Variants in MYO3A observed in about 807,000 individuals in gnomAD.
The protein encoded by MYO3A is myosin-IIIa.
Under a neutral mutation model 192.7 loss-of-function variants are expected in MYO3A, and 180 were observed. The observed-to-expected ratio is 0.93, with a 90% CI of 0.83 to 1.06. MYO3A has a LOEUF of 1.06. Among genes scored for constraint, MYO3A ranks in the 50% least tolerant of loss-of-function variants. The pLI is 0.00. For missense variants in MYO3A, 1,896 were observed against 1,905.0 expected (o/e 1.00, Z 0.09); for synonymous variants, 628 against 645.3 (o/e 0.97, Z 0.41).
intron 17 of MYO3A, among the ~76,000 whole-genome samples, chr10:26,115,619 C>G (rs1218231342): frequency 1.3e-5 from 2 of 152,084 alleles, no homozygotes; most frequent in Non-Finnish European, 2.9e-5. Context: ...TCATTTAACT[C>G]ATAAACATAA....
intron 8 of MYO3A, 54 bp downstream of exon 8, chr10:26,021,702 C>G (rs1487814733): frequency 6.3e-7 from 1 of 1,599,974 alleles, no homozygotes; most frequent in South Asian, 1.1e-5. Context: ...CTTCCTCCAG[C>G]CACCAAGTGT....
At chr10:26,208,215 C>T (rs1018143549) in intron 34 of MYO3A, among the ~76,000 whole-genome samples, 5 of 151,828 alleles carry the variant, frequency 3.3e-5, no homozygotes, top group Admixed American at 3.3e-4. Flanking sequence ...CTCTGTTGGG[C>T]GGTGGTGAGA....
At chr10:26,204,683 T>G (rs552385444) in intron 34 of MYO3A, among the ~76,000 whole-genome samples, 1 of 152,330 alleles carries the variant, frequency 6.6e-6, no homozygotes, top group South Asian at 2.1e-4. Context: ...ATTTCTAAGT[T>G]TAGAGTTGAT....
intron 6 of MYO3A, among the ~76,000 whole-genome samples, chr10:26,014,027 G>T (rs2131028078): frequency 6.6e-6 from 1 of 152,148 alleles, no homozygotes; most frequent in South Asian, 2.1e-4. Context: ...CAGGAGTAGA[G>T]AACCAAAAAC....
At chr10:26,045,489 A>T (rs1843592172) in intron 10 of MYO3A, among the ~76,000 whole-genome samples, 1 of 152,168 alleles carries the variant, frequency 6.6e-6, no homozygotes, top group South Asian at 2.1e-4. Flanking sequence ...TAGTCCTTGT[A>T]TTTCCTGAGT....
chr10:25,941,566 C>T (rs1216998501), intron 2 of MYO3A, among the ~76,000 whole-genome samples: 2 of 152,140 alleles, frequency 1.3e-5, no homozygotes, highest in East Asian at 3.9e-4. Context: ...TTATTTTGAC[C>T]CCCTGTATTA....
chr10:25,952,272 A>G lies in MYO3A; in HGVS notation c.162A>G (p.Pro54=), dbSNP rs1430857386. ...GQKAAVKILD[P]IHDIDEEIEA... Reference sequence around the variant, plus strand: ...AAGCAGCAGTCAAAATTCTTGATCCAATTCACGTAAGTCATATTTTTTCCT... The same window carrying G: ...AAGCAGCAGTCAAAATTCTTGATCCGATTCACGTAAGTCATATTTTTTCCT... Residue 54 remains proline, a synonymous_variant, in exon 3 of 35, where the codon CCA becomes CCG. Coordinates refer to ENST00000642920, the MANE Select transcript of MYO3A (RefSeq NM_017433.5). 1.2e-6 allele frequency: 2 copies of G among 1,612,204 alleles called. No individual in the cohort carries two copies. Among genetic ancestry groups the G allele is most frequent in the South Asian group, 2.2e-5 (2 of 91,008 alleles).
intron 34 of MYO3A, among the ~76,000 whole-genome samples, chr10:26,206,637 T>C (rs1467740275): frequency 6.7e-6 from 1 of 148,442 alleles, no homozygotes; most frequent in African/African-American, 2.5e-5. Flanking sequence ...TTAGTAGAGA[T>C]GGGGTTTCAC....
At chr10:26,179,436 T>C (rs1842505654) in intron 31 of MYO3A, among the ~76,000 whole-genome samples, 1 of 152,132 alleles carries the variant, frequency 6.6e-6, no homozygotes, top group South Asian at 2.1e-4. Context: ...AGTTCACATA[T>C]ATTTCAGTGT....
intron 19 of MYO3A, among the ~76,000 whole-genome samples, chr10:26,127,711 A>G (rs1402274939): frequency 1.3e-5 from 2 of 151,878 alleles, no homozygotes; most frequent in African/African-American, 4.8e-5. Flanking sequence ...ATAACTCTAC[A>G]ATGTATATAT....
intron 33 of MYO3A, 31 bp downstream of exon 33, chr10:26,201,336 A>C (rs1490895806): frequency 1.1e-5 from 16 of 1,488,254 alleles, no homozygotes; most frequent in Non-Finnish European, 1.5e-5. Context: ...TCAATCAGTC[A>C]TCTTATTCAA....
intron 14 of MYO3A, among the ~76,000 whole-genome samples, chr10:26,075,233 T>A (rs1835454700): frequency 6.6e-6 from 1 of 151,930 alleles, no homozygotes. Flanking sequence ...TTTTTTATTA[T>A]TTCATACAAA....
intron 32 of MYO3A, among the ~76,000 whole-genome samples, chr10:26,195,104 C>T (rs1360165455): frequency 1.3e-5 from 2 of 152,182 alleles, no homozygotes; most frequent in East Asian, 3.8e-4. Context: ...CCCCCTGCCC[C>T]AAGCTCTAGG....
At chr10:26,092,798 G>A (rs1179308184) in intron 15 of MYO3A, among the ~76,000 whole-genome samples, 7 of 152,308 alleles carry the variant, frequency 4.6e-5, no homozygotes, top group Non-Finnish European at 1.0e-4. Context: ...GTCCCCAGGC[G>A]GTCCTGACCT....
intron 4 of MYO3A, among the ~76,000 whole-genome samples, chr10:25,984,355 T>C (rs1486260360): frequency 1.3e-5 from 2 of 152,188 alleles, no homozygotes; most frequent in Non-Finnish European, 2.9e-5. Flanking sequence ...AAGTTTCTGT[T>C]GTCTTCAGAA....
intron 4 of MYO3A, among the ~76,000 whole-genome samples, chr10:25,995,785 C>G (rs1314747735): frequency 6.6e-6 from 1 of 152,226 alleles, no homozygotes; most frequent in African/African-American, 2.4e-5. Flanking sequence ...CCCTGTTTGC[C>G]TGGGTATCAG....
chr10:25,954,981 TG>T lies in MYO3A; in HGVS notation c.278del (p.Gly93GlufsTer16). 5.6e-6 allele frequency: 9 copies of T among 1,613,062 alleles called. No individual in the cohort carries two copies. Among genetic ancestry groups the T allele is most frequent in the Non-Finnish European group, 7.6e-6 (9 of 1,179,302 alleles). ...TATACTTTAAGAAGGATAAAGTAAA[TG>T]GAGACAAGCTGTGGTTGGTTCTTGA... ...GIYFKKDKVN[G>X]DKLWLVLELC... On this transcript the variant is annotated frameshift_variant, in exon 4 of 35. Coordinates refer to ENST00000642920, the MANE Select transcript of MYO3A (RefSeq NM_017433.5). LOFTEE classifies it high-confidence loss of function.
chr10:25,999,669 C>T lies in MYO3A; in HGVS notation c.508+2411C>T, dbSNP rs572882028. ...TGTCACTTCATAATTATACTATCAG[C>T]TCATTATTGGGTACTGAAGATCTTA... On this transcript the variant is annotated intron_variant, in intron 6 of 34. Transcript: ENST00000642920. Among the ~76,000 whole-genome samples, 18 of 152,320 alleles carry T rather than the reference C, an allele frequency of 1.2e-4. No individual in the cohort carries two copies. In the South Asian group the frequency reaches 1.2e-3, roughly 11 times the overall value.
chr10:26,068,836 A>C lies in MYO3A; in HGVS notation c.1122A>C (p.Ile374=). 1 of 1,601,500 alleles carries C rather than the reference A, an allele frequency of 6.2e-7. No homozygotes were observed. Among genetic ancestry groups the C allele is most frequent in the South Asian group, 1.1e-5 (1 of 90,868 alleles). ...AGATCTACGTCTATGTGGGAGACAT[A>C]CTCATTGCTCTTAACCCTTTTCAGA... is the stretch of plus-strand genomic sequence containing the variant. ...RDQIYVYVGD[I]LIALNPFQSL... The change falls in exon 12 of 35, where the codon ATA becomes ATC. Residue 374 remains isoleucine (I), a synonymous_variant. Coordinates refer to ENST00000642920, the MANE Select transcript of MYO3A (RefSeq NM_017433.5).
Sources: allele counts gnomAD v4.1 joint callset (sites outside exome capture counted in the v4.1 genomes callset), GRCh38; gene constraint gnomAD v4.1.1; transcripts MANE v1.5; gene names NCBI Gene and HGNC (gene_info 2026-07-23, HGNC 2026-07-21).